The following KCNQ3 variants were observed in gnomAD, a reference collection of about 807,000 sequenced individuals.
KCNQ3 encodes potassium voltage-gated channel subfamily Q member 3.
KCNQ3 carries 30 observed loss-of-function variants against 92.5 expected under a neutral mutation model. The ratio of observed to expected loss-of-function variants is 0.32; its 90% confidence interval spans 0.24 to 0.44. The LOEUF (loss-of-function observed/expected upper bound fraction) is 0.44. Ranked by LOEUF, KCNQ3 falls within the 20% of genes least tolerant of loss-of-function variation. The pLI is 1.00. For missense variants in KCNQ3, 913 were observed against 1,140.3 expected (o/e 0.80, Z 2.87); for synonymous variants, 450 against 468.8 (o/e 0.96, Z 0.52).
At chr8:132,335,596 C>A (rs1235319701) in intron 1 of KCNQ3, among the ~76,000 whole-genome samples, 1 of 152,176 alleles carries the variant, frequency 6.6e-6, no homozygotes, top group Non-Finnish European at 1.5e-5. Context: ...TTGGGGATGT[C>A]AGGTCTCCTT....
At chr8:132,179,476 G>T (rs1362719582) in intron 4 of KCNQ3, among the ~76,000 whole-genome samples, 1 of 152,076 alleles carries the variant, frequency 6.6e-6, no homozygotes, top group Non-Finnish European at 1.5e-5. Flanking sequence ...TTTCTTTCTT[G>T]TCAGTGTAAT....
chr8:132,140,860 C>T (rs1463291377), intron 10 of KCNQ3: 4 of 494,734 alleles, frequency 8.1e-6, no homozygotes. Flanking sequence ...GGCGGGGGGT[C>T]GGGGCGGACC....
chr8:132,255,085 G>T (rs1427345578), intron 1 of KCNQ3, among the ~76,000 whole-genome samples: 1 of 151,454 alleles, frequency 6.6e-6, no homozygotes, highest in Non-Finnish European at 1.5e-5. Flanking sequence ...ATTTTAATTT[G>T]CTTAATCCTA....
intron 6 of KCNQ3, 84 bp from the exon 7 acceptor site, chr8:132,172,777 T>C: frequency 1.1e-6 from 1 of 951,524 alleles, no homozygotes; most frequent in Non-Finnish European, 1.7e-6. Context: ...ATGGGGACTG[T>C]AGGGCTCAAT....
intron 1 of KCNQ3, among the ~76,000 whole-genome samples, chr8:132,431,182 C>A (rs1426126017): frequency 1.3e-5 from 2 of 152,136 alleles, no homozygotes; most frequent in Admixed American, 1.3e-4. Flanking sequence ...GCATCAGGAC[C>A]CATGTTCCCT....
chr8:132,324,978 CTAGT>C (rs1000644803), intron 1 of KCNQ3, among the ~76,000 whole-genome samples: 10 of 151,768 alleles, frequency 6.6e-5, no homozygotes, highest in Admixed American at 2.6e-4. Flanking sequence ...ATTCGCTGTC[CTAGT>C]TAGTTTTTTT....
chr8:132,172,064 G>A (rs570241651), intron 7 of KCNQ3, among the ~76,000 whole-genome samples: 3 of 152,170 alleles, frequency 2.0e-5, no homozygotes, highest in African/African-American at 7.2e-5. Flanking sequence ...GTGCATGCCT[G>A]TGGTCCCAAC....
At chr8:132,439,939 G>A (rs11988569) in intron 1 of KCNQ3, among the ~76,000 whole-genome samples, 4,854 of 152,190 alleles carry the variant, frequency 0.032, 235 homozygotes, top group African/African-American at 0.11. Flanking sequence ...ATAGAGGATT[G>A]GTTCTGGGAC....
At chr8:132,179,332 G>GATTCTC in intron 4 of KCNQ3, among the ~76,000 whole-genome samples, 1 of 151,650 alleles carries the variant, frequency 6.6e-6, no homozygotes, top group Admixed American at 6.6e-5. Context: ...CCTGGATTCT[G>GATTCTC]ATCTACCTGG....
chr8:132,160,647 A>C (rs983864854), intron 9 of KCNQ3, among the ~76,000 whole-genome samples: 2 of 149,316 alleles, frequency 1.3e-5, no homozygotes, highest in Non-Finnish European at 2.9e-5. Context: ...ATTGAAAAGA[A>C]CTCAAGCCCA....
chr8:132,201,673 G>A (rs1309934616), intron 1 of KCNQ3, among the ~76,000 whole-genome samples: 1 of 152,196 alleles, frequency 6.6e-6, no homozygotes, highest in Non-Finnish European at 1.5e-5. Flanking sequence ...ACACACTGGA[G>A]TAGAGGACAG....
At chr8:132,202,446 T>C (rs1325269477) in intron 1 of KCNQ3, among the ~76,000 whole-genome samples, 2 of 152,180 alleles carry the variant, frequency 1.3e-5, no homozygotes, top group Non-Finnish European at 2.9e-5. Flanking sequence ...ATTCTACTTC[T>C]CTTTTAATTA....
intron 2 of KCNQ3, among the ~76,000 whole-genome samples, chr8:132,185,807 G>C (rs530499059): frequency 1.3e-5 from 2 of 152,308 alleles, no homozygotes; most frequent in South Asian, 4.1e-4. Context: ...TTGGGAAGCT[G>C]TATTTTATAA....
chr8:132,134,551 T>TGAGGAGAGGAGAGGGGAGGA (rs1825010660), intron 12 of KCNQ3, among the ~76,000 whole-genome samples, 163 bp from the exon 13 acceptor site: 1 of 142,384 alleles, frequency 7.0e-6, no homozygotes, highest in Admixed American at 7.0e-5. Context: ...AGAGGAGAAG[T>TGAGGAGAGGAGAGGGGAGGA]GAGGAGAGGA....
chr8:132,420,891 C>T (rs1300694160), intron 1 of KCNQ3, among the ~76,000 whole-genome samples: 2 of 152,070 alleles, frequency 1.3e-5, no homozygotes, highest in African/African-American at 4.8e-5. Context: ...GCTCCCAGAC[C>T]AGCACATAGT....
intron 1 of KCNQ3, among the ~76,000 whole-genome samples, chr8:132,296,678 TG>T (rs1027553716): frequency 1.2e-4 from 18 of 152,300 alleles, no homozygotes; most frequent in African/African-American, 4.3e-4. Context: ...CTGAGAATGA[TG>T]GTTTCCAGTT....
intron 1 of KCNQ3, among the ~76,000 whole-genome samples, chr8:132,398,913 T>C (rs1431063230): frequency 6.6e-6 from 1 of 152,216 alleles, no homozygotes; most frequent in Non-Finnish European, 1.5e-5. Flanking sequence ...ACAGCCTAAG[T>C]TAAAGGCTGC....
chr8:132,184,173 T>C (rs1176460710), intron 3 of KCNQ3, 68 bp downstream of exon 3: 2 of 1,605,764 alleles, frequency 1.2e-6, no homozygotes, highest in African/African-American at 2.7e-5. Context: ...GCTTAAACTT[T>C]TCTCAGAGAA....
chr8:132,265,405 C>T (rs1815948727), intron 1 of KCNQ3, among the ~76,000 whole-genome samples: 1 of 152,244 alleles, frequency 6.6e-6, no homozygotes, highest in Non-Finnish European at 1.5e-5. Context: ...CTACCCATCA[C>T]TTCCAGGTTT....
Sources: gnomAD v4.1 joint callset for allele counts (sites outside exome capture counted in the v4.1 genomes callset) on GRCh38, gnomAD v4.1.1 for gene constraint, MANE v1.5 for transcripts, NCBI Gene and HGNC (gene_info 2026-07-23, HGNC 2026-07-21) for gene names.